MYRFL: variants seen among roughly 807,000 people sequenced by gnomAD.
The protein encoded by MYRFL is myelin regulatory factor like, also known as myelin regulatory factor-like protein.
Under a neutral mutation model 109.4 loss-of-function variants are expected in MYRFL, and 88 were observed. The observed-to-expected ratio is 0.80, with a 90% CI of 0.68 to 0.96. The LOEUF (loss-of-function observed/expected upper bound fraction) is 0.96, where lower values mean the gene tolerates loss of function less well. Ranked by LOEUF, MYRFL falls within the 40% of genes least tolerant of loss-of-function variation. The pLI, the probability that MYRFL is intolerant of heterozygous loss-of-function variation, is 0.00. For missense variants in MYRFL, 957 were observed against 954.9 expected (o/e 1.00, Z -0.03); for synonymous variants, 324 against 320.9 (o/e 1.01, Z -0.10).
intron 10 of MYRFL, among the ~76,000 whole-genome samples, chr12:69,899,364 T>C (rs1954111119): frequency 6.6e-6 from 1 of 152,216 alleles, no homozygotes; most frequent in Admixed American, 6.5e-5. Context: ...GTCCACAGAA[T>C]ACATTTTTTG....
intron 5 of MYRFL, among the ~76,000 whole-genome samples, chr12:69,880,951 G>GGTTTTTTTTTTTTTTTTTTTTTTT (rs1555246956): frequency 8.9e-6 from 1 of 112,626 alleles, no homozygotes; most frequent in African/African-American, 3.2e-5. Context: ...CAGCCTTCCT[G>GGTTTTTTTTTTTTTTTTTTTTTTT]TTTTTTTTTT....
intron 2 of MYRFL, among the ~76,000 whole-genome samples, chr12:69,859,090 T>G (rs1201553805): frequency 6.6e-6 from 1 of 152,108 alleles, no homozygotes; most frequent in Non-Finnish European, 1.5e-5. Flanking sequence ...TGAGAAATTT[T>G]ATTTGACTTT....
In MYRFL at chr12:69,874,283, T is replaced by G. The variant is rs144842454; in HGVS notation, c.138-4745T>G. On this transcript the variant is annotated intron_variant, in intron 2 of 24. Coordinates refer to ENST00000552032, the MANE Select transcript of MYRFL (RefSeq NM_182530.3). ...GCCTCATTCTCCTGGGCTCAAGCGATCCTTCAGCCTCAGCTTCCTGAGTAG... is the reference window on the plus strand; with the variant it reads ...GCCTCATTCTCCTGGGCTCAAGCGAGCCTTCAGCCTCAGCTTCCTGAGTAG... 2.4e-3 allele frequency among the ~76,000 whole-genome samples: 359 copies of G among 152,334 alleles called. 1 individual carries two copies. Among genetic ancestry groups the G allele is most frequent in the African/African-American group, 8.4e-3 (348 of 41,576 alleles).
At chr12:69,865,807 A>G (rs1479351021) in intron 2 of MYRFL, among the ~76,000 whole-genome samples, 1 of 152,156 alleles carries the variant, frequency 6.6e-6, no homozygotes, top group African/African-American at 2.4e-5. Context: ...TTTGCCCAAG[A>G]GGCTTCACTC....
At chr12:69,918,682 TTTTAA>T (rs1954820161) in intron 13 of MYRFL, among the ~76,000 whole-genome samples, 1 of 152,232 alleles carries the variant, frequency 6.6e-6, no homozygotes, top group African/African-American at 2.4e-5. Context: ...CATCATATTG[TTTTAA>T]TTTAACTTTC....
chr12:69,848,691 A>G (rs913633380), intron 1 of MYRFL, among the ~76,000 whole-genome samples: 1 of 152,082 alleles, frequency 6.6e-6, no homozygotes, highest in African/African-American at 2.4e-5. Flanking sequence ...AATTATTTCC[A>G]CCTTTCTGAC....
rs373265536 is a variant in MYRFL at position 69,945,965 on chromosome 12, C to T, written c.2225-6148C>T. 3.0e-3 allele frequency among the ~76,000 whole-genome samples: 268 copies of T among 89,168 alleles called. 4 individuals are homozygous for T. Among genetic ancestry groups the T allele is most frequent in the Middle Eastern group, 0.026 (2 of 78 alleles). The allele number at this position is 89,168 out of a possible 152,430, so 58.5% of individuals were successfully genotyped here. On this transcript the variant is annotated intron_variant, in intron 19 of 24. Transcript: ENST00000552032. ...TCCCGCCACTGCCCTCCAGCCTGGG[C>T]GACAGAGCGAGACTCCGTCTCAAAA...
chr12:69,897,364 A>G (rs1954030897), intron 10 of MYRFL, 118 bp downstream of exon 10: 1 of 787,496 alleles, frequency 1.3e-6, no homozygotes, highest in African/African-American at 1.7e-5. Flanking sequence ...TAGTAATGGC[A>G]GAAACTATTA....
At chr12:69,840,325 C>G (rs1883173994) in intron 1 of MYRFL, among the ~76,000 whole-genome samples, 1 of 152,158 alleles carries the variant, frequency 6.6e-6, no homozygotes, top group Non-Finnish European at 1.5e-5. Context: ...TTAGGATTTT[C>G]TTCAGGTTAG....
intron 2 of MYRFL, among the ~76,000 whole-genome samples, chr12:69,874,903 A>C (rs1050702864): frequency 2.0e-5 from 3 of 151,448 alleles, no homozygotes; most frequent in African/African-American, 4.8e-5. Context: ...CAGTTACTCC[A>C]CTCTGATGCG....
chr12:69,946,119 C>G (rs1955833115), intron 19 of MYRFL, among the ~76,000 whole-genome samples: 3 of 151,134 alleles, frequency 2.0e-5, no homozygotes, highest in Admixed American at 2.0e-4. Context: ...AAATGTTCCC[C>G]TAAAAGCAGT....
intron 16 of MYRFL, among the ~76,000 whole-genome samples, chr12:69,935,710 G>A (rs765482620): frequency 5.3e-5 from 8 of 152,182 alleles, no homozygotes; most frequent in Non-Finnish European, 1.2e-4. Context: ...CTCCCAATGC[G>A]ACAGTGCCAA....
chr12:69,842,918 C>T (rs900809566), intron 1 of MYRFL, among the ~76,000 whole-genome samples: 2 of 152,128 alleles, frequency 1.3e-5, no homozygotes, highest in Admixed American at 6.5e-5. Flanking sequence ...CTCACTGGAC[C>T]GTGAGCTTGT....
At chr12:69,916,470 A>C (rs1954731996) in intron 13 of MYRFL, among the ~76,000 whole-genome samples, 1 of 151,892 alleles carries the variant, frequency 6.6e-6, no homozygotes, top group Admixed American at 6.6e-5. Context: ...GCAGTTAAAC[A>C]CTCAGTACTA....
chr12:69,947,575 G>C (rs556347820), intron 19 of MYRFL, among the ~76,000 whole-genome samples: 1 of 152,194 alleles, frequency 6.6e-6, no homozygotes, highest in Non-Finnish European at 1.5e-5. Context: ...AAAGATTTAA[G>C]TAGACAGGAG....
In MYRFL at chr12:69,825,278, C is replaced by G; in HGVS notation, c.-240C>G. 1.5e-6 allele frequency: 1 copy of G among 669,470 alleles called. No homozygotes were observed. Among genetic ancestry groups the G allele is most frequent in the Non-Finnish European group, 2.7e-6 (1 of 369,372 alleles). The allele number at this position is 669,470 out of a possible 1,614,324, so 41.5% of individuals were successfully genotyped here. A position where few individuals can be genotyped will look rare whatever the true frequency, so the allele number is the denominator to read the frequency against. ...GACAGATGAATTTGCTACCTCTTCC[C>G]TCTTCATGAATTTTTTTTAAATGTA... On this transcript the variant is annotated 5_prime_UTR_variant, in exon 1 of 25. Coordinates refer to ENST00000552032, the MANE Select transcript of MYRFL (RefSeq NM_182530.3).
intron 2 of MYRFL, among the ~76,000 whole-genome samples, chr12:69,857,256 C>T (rs968884935): frequency 6.6e-6 from 1 of 151,836 alleles, no homozygotes; most frequent in Non-Finnish European, 1.5e-5. Flanking sequence ...ACAACATTAT[C>T]TTGATTACTG....
intron 16 of MYRFL, 136 bp downstream of exon 16, chr12:69,932,734 T>C (rs753800572): frequency 1.9e-5 from 12 of 635,466 alleles, no homozygotes; most frequent in Middle Eastern, 2.5e-4. Context: ...TGAACTCTGA[T>C]AGCATAGAAA....
At chr12:69,886,235 G>A (rs1339396475) in intron 5 of MYRFL, among the ~76,000 whole-genome samples, 1 of 152,176 alleles carries the variant, frequency 6.6e-6, no homozygotes, top group Non-Finnish European at 1.5e-5. Context: ...ACACCATGAG[G>A]ACTGGTGCCC....
Sources: gnomAD v4.1 joint callset for allele counts (sites outside exome capture counted in the v4.1 genomes callset) on GRCh38, gnomAD v4.1.1 for gene constraint, MANE v1.5 for transcripts, NCBI Gene and HGNC (gene_info 2026-07-23, HGNC 2026-07-21) for gene names.